LOC128462377: variants seen among roughly 807,000 people sequenced by gnomAD.
the LOC128462377 span, among the ~76,000 whole-genome samples, chr16:89,357,019 T>C: frequency 6.6e-6 from 1 of 152,166 alleles, no homozygotes; most frequent in African/African-American, 2.4e-5. Context: ...CCAATGCTAA[T>C]GGTTCAACAG....
At chr16:89,392,142 T>C in the LOC128462377 span, among the ~76,000 whole-genome samples, 1 of 152,248 alleles carries the variant, frequency 6.6e-6, no homozygotes, top group South Asian at 2.1e-4. Flanking sequence ...CAGCAGTTGG[T>C]ATAAAAAAAC....
At chr16:89,352,818 G>A in the LOC128462377 span, among the ~76,000 whole-genome samples, 2 of 152,156 alleles carry the variant, frequency 1.3e-5, no homozygotes, top group Admixed American at 1.3e-4. Context: ...ATGACCACAT[G>A]GGCCCCCAAG....
chr16:89,363,754 C>T, the LOC128462377 span, among the ~76,000 whole-genome samples: 1 of 152,162 alleles, frequency 6.6e-6, no homozygotes, highest in Non-Finnish European at 1.5e-5. Flanking sequence ...CTGCAGGTTC[C>T]AGTCAGGAAG....
chr16:89,385,703 T>C, the LOC128462377 span, among the ~76,000 whole-genome samples: 1 of 152,246 alleles, frequency 6.6e-6, no homozygotes, highest in Non-Finnish European at 1.5e-5. Context: ...GTCCATCACG[T>C]ACAGTCTGCA....
the LOC128462377 span, chr16:89,360,511 A>G: frequency 6.6e-6 from 1 of 152,260 alleles, no homozygotes; most frequent in Non-Finnish European, 1.5e-5. Flanking sequence ...TTAAAAAACC[A>G]TGGATTATTG....
chr16:89,416,247 T>C, the LOC128462377 span, among the ~76,000 whole-genome samples: 3 of 151,986 alleles, frequency 2.0e-5, no homozygotes, highest in African/African-American at 7.3e-5. Flanking sequence ...GTCAGCAGAG[T>C]TGCTGATAGC....
At chr16:89,345,557 T>A in the LOC128462377 span, among the ~76,000 whole-genome samples, 1 of 152,208 alleles carries the variant, frequency 6.6e-6, no homozygotes, top group Non-Finnish European at 1.5e-5. Flanking sequence ...AGAAATAAAT[T>A]TCTGTTCTTT....
At chr16:89,398,325 GCT>G in the LOC128462377 span, among the ~76,000 whole-genome samples, 11 of 134,804 alleles carry the variant, frequency 8.2e-5, no homozygotes, top group African/African-American at 2.8e-4. Context: ...CTGTGAAACA[GCT>G]GAAGACTACC....
At chr16:89,368,625 G>T in the LOC128462377 span, among the ~76,000 whole-genome samples, 1 of 147,400 alleles carries the variant, frequency 6.8e-6, no homozygotes. Flanking sequence ...AAAAAAAAAA[G>T]GGCTGGGTGC....
the LOC128462377 span, among the ~76,000 whole-genome samples, chr16:89,349,134 TAAAAA>T: frequency 3.4e-3 from 56 of 16,578 alleles, no homozygotes; most frequent in African/African-American, 0.011. Context: ...TCTCAAAAAG[TAAAAA>T]AAAAAAAAAA....
chr16:89,338,501 G>A, the LOC128462377 span, among the ~76,000 whole-genome samples: 3 of 151,374 alleles, frequency 2.0e-5, no homozygotes, highest in Non-Finnish European at 2.9e-5. Flanking sequence ...AGGCCGAGGC[G>A]GGCAATCACC....
the LOC128462377 span, among the ~76,000 whole-genome samples, chr16:89,338,354 T>C: frequency 1.3e-5 from 2 of 148,512 alleles, no homozygotes; most frequent in African/African-American, 2.5e-5. Context: ...AAATACTGAC[T>C]ACCTGCAAAA....
the LOC128462377 span, among the ~76,000 whole-genome samples, chr16:89,354,874 G>A: frequency 6.6e-6 from 1 of 152,134 alleles, no homozygotes; most frequent in Non-Finnish European, 1.5e-5. Context: ...GAGACAGAGT[G>A]AGACACTCTC....
the LOC128462377 span, among the ~76,000 whole-genome samples, chr16:89,387,480 G>A: frequency 2.0e-5 from 3 of 151,292 alleles, no homozygotes; most frequent in East Asian, 2.0e-4. Context: ...AGACCATCCC[G>A]GCTAACACAG....
At chr16:89,414,040 C>T in the LOC128462377 span, among the ~76,000 whole-genome samples, 2 of 149,404 alleles carry the variant, frequency 1.3e-5, no homozygotes, top group African/African-American at 4.9e-5. Flanking sequence ...GCACACCCTC[C>T]GCCACGGGCC....
the LOC128462377 span, chr16:89,370,885 C>A: frequency 6.6e-6 from 1 of 152,516 alleles, no homozygotes; most frequent in East Asian, 1.9e-4. Context: ...CCATTCACCC[C>A]ACGGCACTCA....
At chr16:89,324,372 G>A in the LOC128462377 span, 1 of 769,142 alleles carries the variant, frequency 1.3e-6, no homozygotes, top group Non-Finnish European at 1.9e-6. Context: ...CAGGAGGGCG[G>A]CACGTGGGCG....
the LOC128462377 span, among the ~76,000 whole-genome samples, chr16:89,395,455 G>A: frequency 1.3e-5 from 2 of 152,242 alleles, no homozygotes; most frequent in South Asian, 2.1e-4. Context: ...CCAGCCCACG[G>A]CTGGGACACG....
chr16:89,357,535 A>T, the LOC128462377 span, among the ~76,000 whole-genome samples: 1 of 152,196 alleles, frequency 6.6e-6, no homozygotes, highest in East Asian at 1.9e-4. Context: ...ATACAAAAGA[A>T]CTGAAAGCAG....
Sources: gnomAD v4.1 joint callset for allele counts (sites outside exome capture counted in the v4.1 genomes callset) on GRCh38, gnomAD v4.1.1 for gene constraint, MANE v1.5 for transcripts.